TP63: variants seen among roughly 807,000 people sequenced by gnomAD.
TP63 encodes tumor protein 63.
In TP63, 17 loss-of-function variants were observed where a neutral mutation model predicts 82.8. That is an observed-to-expected ratio of 0.21 (90% CI 0.14 to 0.31). TP63 has a LOEUF of 0.31. Among genes scored for constraint, TP63 ranks in the 10% least tolerant of loss-of-function variants. The pLI is 1.00. For synonymous variants in TP63, 330 were observed against 321.7 expected, an observed-to-expected ratio of 1.03 and a Z score of -0.28; for missense variants, 648 against 895.3, an observed-to-expected ratio of 0.72 and a Z score of 3.52.
chr3:189,830,395 T>C (rs916293863), intron 4 of TP63, among the ~76,000 whole-genome samples: 5 of 152,098 alleles, frequency 3.3e-5, no homozygotes, highest in Admixed American at 2.6e-4. Context: ...TCTATAAAAT[T>C]TGAAAAAAAA....
intron 3 of TP63, among the ~76,000 whole-genome samples, chr3:189,788,534 C>T (rs1324925129): frequency 6.6e-6 from 1 of 151,550 alleles, no homozygotes; most frequent in Non-Finnish European, 1.5e-5. Context: ...TTATCTTGGC[C>T]ACTTACAACC....
At chr3:189,656,028 TAGTA>T (rs1713321812) in intron 1 of TP63, among the ~76,000 whole-genome samples, 1 of 152,180 alleles carries the variant, frequency 6.6e-6, no homozygotes, top group African/African-American at 2.4e-5. Flanking sequence ...TTTAATGCCT[TAGTA>T]AGAAAGAAAA....
chr3:189,672,712 G>GGAAA (rs1560100203), intron 1 of TP63, among the ~76,000 whole-genome samples: 13 of 139,932 alleles, frequency 9.3e-5, no homozygotes, highest in African/African-American at 2.6e-4. Flanking sequence ...AAGGAAAGAA[G>GGAAA]GAAGGCAGGC....
At chr3:189,881,238 G>T in intron 10 of TP63, 1 of 985,364 alleles carries the variant, frequency 1.0e-6, no homozygotes, top group Non-Finnish European at 1.2e-6. Flanking sequence ...TCCTGGACTG[G>T]AAATTAAAGA....
At chr3:189,743,992 A>G (rs1356854365) in intron 3 of TP63, among the ~76,000 whole-genome samples, 1 of 152,150 alleles carries the variant, frequency 6.6e-6, no homozygotes, top group East Asian at 1.9e-4. Context: ...GCTGAATCCC[A>G]CAAACCTCTA....
intron 11 of TP63, 99 bp downstream of exon 11, chr3:189,886,650 A>G (rs2108854807): frequency 6.6e-7 from 1 of 1,518,604 alleles, no homozygotes; most frequent in Non-Finnish European, 9.0e-7. Flanking sequence ...TAAATGAGAG[A>G]CACAGTGGGA....
At chr3:189,855,634 C>G (rs1716191361) in intron 4 of TP63, among the ~76,000 whole-genome samples, 1 of 151,968 alleles carries the variant, frequency 6.6e-6, no homozygotes, top group African/African-American at 2.4e-5. Flanking sequence ...AGAACATGCT[C>G]ATGATATATT....
At chr3:189,732,914 A>C (rs888199444) in intron 1 of TP63, among the ~76,000 whole-genome samples, 1 of 152,224 alleles carries the variant, frequency 6.6e-6, no homozygotes, top group African/African-American at 2.4e-5. Flanking sequence ...AAAGAACAAA[A>C]TTCAAAGGAG....
At position 189,738,642 on chromosome 3, in the gene TP63, G is replaced by C. The variant is rs769559531; in HGVS notation, c.192G>C (p.Gln64His). Reference protein sequence around the residue: ...VFQHIWDFLEQPICSVQPIDL... With the variant: ...VFQHIWDFLEHPICSVQPIDL... ...CACTTTTTTCTTTCCTATGTGTTAG[G>C]CCTATATGTTCAGTTCAGCCCATTG... Residue 64 changes from glutamine (Q) to histidine (H), a missense_variant and splice_region_variant, in exon 3 of 14, where the codon CAG becomes CAC. By Grantham distance (24) the Gln-to-His change is conservative. Transcript: ENST00000264731. 18 of 1,613,890 alleles carry C rather than the reference G, an allele frequency of 1.1e-5. No individual in the cohort carries two copies. The highest frequency in any genetic ancestry group is 3.4e-6 in the Non-Finnish European group (4 of 1,179,982).
intron 1 of TP63, among the ~76,000 whole-genome samples, chr3:189,658,988 G>A (rs1326376969): frequency 1.3e-5 from 2 of 151,916 alleles, no homozygotes; most frequent in East Asian, 1.9e-4. Context: ...AAGGGAAACT[G>A]TCCTATCTTT....
chr3:189,835,689 C>G (rs577455607), intron 4 of TP63, among the ~76,000 whole-genome samples: 2 of 151,468 alleles, frequency 1.3e-5, no homozygotes, highest in Non-Finnish European at 2.9e-5. Flanking sequence ...TTTGGGAGAC[C>G]GAGGCAGGTG....
At chr3:189,693,461 C>T (rs943609416) in intron 1 of TP63, among the ~76,000 whole-genome samples, 13 of 152,102 alleles carry the variant, frequency 8.5e-5, no homozygotes, top group Non-Finnish European at 1.5e-4. Flanking sequence ...GGGTAAAATA[C>T]CTGAACCATG....
chr3:189,794,906 C>G (rs1262427857), intron 3 of TP63, among the ~76,000 whole-genome samples: 2 of 152,024 alleles, frequency 1.3e-5, no homozygotes, highest in East Asian at 1.9e-4. Flanking sequence ...TGGATTGTTT[C>G]TAAAGTCTCA....
At chr3:189,627,358 G>A (rs1420518395), upstream of TP63, among the ~76,000 whole-genome samples, 1 of 152,152 alleles carries the variant, frequency 6.6e-6, no homozygotes, top group Non-Finnish European at 1.5e-5. Flanking sequence ...TATAATAAGA[G>A]TGAATTACTG....
intron 1 of TP63, among the ~76,000 whole-genome samples, chr3:189,660,016 G>C (rs975499179): frequency 2.0e-5 from 3 of 151,926 alleles, no homozygotes; most frequent in Non-Finnish European, 2.9e-5. Flanking sequence ...TGATTACTCT[G>C]TTGATAATTC....
chr3:189,776,647 T>G (rs1210745833), intron 3 of TP63, among the ~76,000 whole-genome samples: 1 of 152,188 alleles, frequency 6.6e-6, no homozygotes, highest in Non-Finnish European at 1.5e-5. Context: ...GACCTAAATG[T>G]AAATGTTAGT....
intron 1 of TP63, among the ~76,000 whole-genome samples, chr3:189,653,807 T>C (rs1384509050): frequency 6.6e-6 from 1 of 152,204 alleles, no homozygotes; most frequent in Non-Finnish European, 1.5e-5. Flanking sequence ...CATATTTAAC[T>C]TATAATAAAG....
chr3:189,644,561 C>T (rs545355017), intron 1 of TP63, among the ~76,000 whole-genome samples: 3 of 152,130 alleles, frequency 2.0e-5, no homozygotes, highest in South Asian at 4.2e-4. Context: ...TTTGGGGGAA[C>T]GTGGTTTTTG....
In TP63 at chr3:189,866,673, G is replaced by A; in HGVS notation, c.767-9G>A. Reference sequence around the variant, plus strand: ...AGAACTAACTCTTTTATTGTTTTCTGCTCTGCAGGACAGATTGCCCCTCCT... The same window carrying A: ...AGAACTAACTCTTTTATTGTTTTCTACTCTGCAGGACAGATTGCCCCTCCT... On this transcript the variant is annotated splice_polypyrimidine_tract_variant and intron_variant, in intron 5 of 13. Coordinates refer to ENST00000264731, the MANE Select transcript of TP63 (RefSeq NM_003722.5). The A allele has an allele frequency of 6.8e-6, 11 of 1,611,386 alleles. No homozygotes were observed. The highest frequency in any genetic ancestry group is 9.3e-6 in the Non-Finnish European group (11 of 1,177,864).
Sources: allele counts gnomAD v4.1 joint callset (sites outside exome capture counted in the v4.1 genomes callset), GRCh38; gene constraint gnomAD v4.1.1; transcripts MANE v1.5; gene names NCBI Gene and HGNC (gene_info 2026-07-23, HGNC 2026-07-21).